Variants in ATP9B observed in about 807,000 individuals in gnomAD.
ATP9B encodes the protein ATPase phospholipid transporting 9B, also known as probable phospholipid-transporting ATPase IIB.
Under a neutral mutation model 146.1 loss-of-function variants are expected in ATP9B, and 110 were observed. The observed-to-expected ratio is 0.75, with a 90% CI of 0.65 to 0.88. The LOEUF is 0.88. ATP9B is among the 40% of genes least tolerant of loss of function. The probability of loss-of-function intolerance (pLI) is 0.00; values close to 1 mark genes in which losing one functional copy is unlikely to be tolerated. For missense variants in ATP9B, 1,499 were observed against 1,496.4 expected (o/e 1.00, Z -0.03); for synonymous variants, 604 against 569.7 (o/e 1.06, Z -0.86).
chr18:79,254,462 C>T (rs989306259), intron 12 of ATP9B: 7 of 152,502 alleles, frequency 4.6e-5, no homozygotes, highest in East Asian at 3.9e-4. Context: ...CCAGTCTGTT[C>T]GAGAGGTAGG....
intron 12 of ATP9B, among the ~76,000 whole-genome samples, chr18:79,274,908 A>C (rs1286677819): frequency 6.6e-6 from 1 of 152,224 alleles, no homozygotes; most frequent in Non-Finnish European, 1.5e-5. Context: ...TAACCACGGA[A>C]ACGGTTTCAT....
At chr18:79,122,323 C>T (rs1454214668) in intron 4 of ATP9B, among the ~76,000 whole-genome samples, 1 of 151,990 alleles carries the variant, frequency 6.6e-6, no homozygotes, top group African/African-American at 2.4e-5. Flanking sequence ...TCTTCTCTTA[C>T]GTGGGAATAG....
Position 79,377,744 on chromosome 18 carries a change from T to C in ATP9B, c.*361T>C. 1 of 227,394 alleles carries C rather than the reference T, an allele frequency of 4.4e-6. No individual in the cohort carries two copies. Among genetic ancestry groups the C allele is most frequent in the Non-Finnish European group, 8.7e-6 (1 of 114,646 alleles). The allele number at this position is 227,394 out of a possible 1,614,324, so 14.1% of individuals were successfully genotyped here. A position where few individuals can be genotyped will look rare whatever the true frequency, so the allele number is the denominator to read the frequency against. ...AGGGCACAGAGGCCGGGACGGCCTC[T>C]CCCTCTCAGTGTGAGGCTTCACCCA... On this transcript the variant is annotated 3_prime_UTR_variant, in exon 30 of 30. Transcript: ENST00000426216.
At position 79,372,704 on chromosome 18, in the gene ATP9B, G is replaced by A. The variant is rs770713854; in HGVS notation, c.3013-121G>A. The A allele has an allele frequency of 2.5e-5, 19 of 751,606 alleles. No homozygotes were observed. In the Middle Eastern group the frequency reaches 6.8e-4, roughly 27 times the overall value. The allele number at this position is 751,606 out of a possible 1,614,324, so 46.6% of individuals were successfully genotyped here. Reference sequence around the variant, plus strand: ...AATGCTGGTAGACCAGGTGGCTGGGGTGGCATGGATGGGGCTTATGGACCT... The same window carrying A: ...AATGCTGGTAGACCAGGTGGCTGGGATGGCATGGATGGGGCTTATGGACCT... On this transcript the variant is annotated intron_variant, in intron 26 of 29. Transcript: ENST00000426216.
chr18:79,105,352 G>A (rs2075584404), intron 2 of ATP9B, among the ~76,000 whole-genome samples: 1 of 152,160 alleles, frequency 6.6e-6, no homozygotes, highest in Non-Finnish European at 1.5e-5. Context: ...AAAATGTTTG[G>A]AATCTTGCAA....
chr18:79,107,012 T>C (rs2075695169), intron 2 of ATP9B, among the ~76,000 whole-genome samples: 1 of 152,248 alleles, frequency 6.6e-6, no homozygotes, highest in African/African-American at 2.4e-5. Flanking sequence ...GATCTTAATA[T>C]TTGATTTTTC....
At chr18:79,327,453 C>CT (rs1568695710) in intron 15 of ATP9B, among the ~76,000 whole-genome samples, 8 of 143,580 alleles carry the variant, frequency 5.6e-5, no homozygotes, top group African/African-American at 1.3e-4. Context: ...TAGTGTGCTC[C>CT]CCATGGTTAG....
At chr18:79,301,829 T>G (rs1490821588) in intron 13 of ATP9B, among the ~76,000 whole-genome samples, 1 of 152,180 alleles carries the variant, frequency 6.6e-6, no homozygotes, top group Non-Finnish European at 1.5e-5. Context: ...TTTTAAAACT[T>G]TATTATATTC....
chr18:79,329,341 C>T (rs1190750315), intron 16 of ATP9B, 39 bp downstream of exon 16: 1 of 1,501,320 alleles, frequency 6.7e-7, no homozygotes, highest in Non-Finnish European at 8.9e-7. Flanking sequence ...TGGCTTCAGA[C>T]ATTTTGTTTT....
rs897413880 is a variant in ATP9B, at chr18:79,303,617, G to A, written c.1425G>A (p.Gln475=). ...CCTTTATCCTAGGAACCCTCACCCA[G>A]AATGAAATGATATTTAAGCGGCTGC... ...LLTDKTGTLT[Q]NEMIFKRLHL... The change falls in exon 14 of 30, where the codon CAG becomes CAA. Residue 475 remains glutamine (Q), a synonymous_variant. Transcript: ENST00000426216. The A allele has an allele frequency of 1.2e-6, 2 of 1,613,796 alleles. No individual in the cohort carries two copies. Among genetic ancestry groups the A allele is most frequent in the African/African-American group, 2.7e-5 (2 of 74,896 alleles).
Position 79,347,865 on chromosome 18 carries a change from G to A in ATP9B, c.2778G>A (p.Lys926=). 6.2e-7 allele frequency: 1 copy of A among 1,613,852 alleles called. No homozygotes were observed. Among genetic ancestry groups the A allele is most frequent in the East Asian group, 2.2e-5 (1 of 44,880 alleles). ...LLMVHGRNSY[K]RSAALGQFVM... is the part of the protein sequence containing the mutation. Reference sequence around the variant, plus strand: ...TGGTGCACGGGCGGAACAGCTACAAGAGGTCGGCGGCACTCGGCCAGTTCG... The same window carrying A: ...TGGTGCACGGGCGGAACAGCTACAAAAGGTCGGCGGCACTCGGCCAGTTCG... The change falls in exon 24 of 30, where the codon AAG becomes AAA. Residue 926 remains lysine (K), a synonymous_variant. Coordinates refer to ENST00000426216, the MANE Select transcript of ATP9B (RefSeq NM_198531.5).
chr18:79,332,012 T>C (rs775843714), intron 17 of ATP9B, among the ~76,000 whole-genome samples: 11 of 152,256 alleles, frequency 7.2e-5, no homozygotes, highest in Non-Finnish European at 1.3e-4. Flanking sequence ...TAACTGCTGA[T>C]AGCCTCCTGT....
intron 12 of ATP9B, among the ~76,000 whole-genome samples, chr18:79,266,554 C>A (rs2096205999): frequency 6.6e-6 from 1 of 152,062 alleles, no homozygotes. Context: ...AAACTTTCAA[C>A]ACTTTGTCAT....
intron 3 of ATP9B, among the ~76,000 whole-genome samples, chr18:79,111,871 GA>G (rs1385621077): frequency 6.6e-6 from 1 of 152,108 alleles, no homozygotes; most frequent in East Asian, 1.9e-4. Flanking sequence ...TAGTATTTTA[GA>G]AACATTTGGT....
intron 4 of ATP9B, among the ~76,000 whole-genome samples, chr18:79,120,047 A>G (rs2094161692): frequency 6.6e-6 from 1 of 152,258 alleles, no homozygotes; most frequent in Non-Finnish European, 1.5e-5. Flanking sequence ...GAAAATATGT[A>G]TAGGTGTCTC....
At chr18:79,202,430 C>T (rs979992668) in intron 9 of ATP9B, among the ~76,000 whole-genome samples, 2 of 152,162 alleles carry the variant, frequency 1.3e-5, no homozygotes, top group African/African-American at 4.8e-5. Context: ...CAAACCATAG[C>T]ACACTTACAT....
intron 26 of ATP9B, chr18:79,360,855 G>A (rs1468367174): frequency 3.3e-5 from 5 of 152,318 alleles, no homozygotes; most frequent in Admixed American, 2.0e-4. Flanking sequence ...AAGCAAGACC[G>A]CTTAAGTATC....
intron 1 of ATP9B, among the ~76,000 whole-genome samples, chr18:79,084,114 C>T (rs1321750825): frequency 6.6e-6 from 1 of 151,708 alleles, no homozygotes; most frequent in Non-Finnish European, 1.5e-5. Context: ...GCCTCGGCCT[C>T]CCAAATTGCT....
At position 79,345,771 on chromosome 18, in the gene ATP9B, G is replaced by A. The variant is rs201038556; in HGVS notation, c.2618-4G>A. ...TATTTCATCTCACTTTTCTTGCTTC[G>A]CAGGTGATGGAGGAAATGATGTCAG... On this transcript the variant is annotated splice_region_variant and splice_polypyrimidine_tract_variant and intron_variant, in intron 22 of 29. Coordinates refer to ENST00000426216, the MANE Select transcript of ATP9B (RefSeq NM_198531.5). 122 of 1,614,202 alleles carry A rather than the reference G, an allele frequency of 7.6e-5. No individual in the cohort carries two copies. Among genetic ancestry groups the A allele is most frequent in the Non-Finnish European group, 9.2e-5 (108 of 1,180,032 alleles).
Sources: gnomAD v4.1 joint callset for allele counts (sites outside exome capture counted in the v4.1 genomes callset) on GRCh38, gnomAD v4.1.1 for gene constraint, MANE v1.5 for transcripts, NCBI Gene and HGNC (gene_info 2026-07-23, HGNC 2026-07-21) for gene names.